Variants in LBP observed in about 807,000 individuals in gnomAD.
LBP encodes lipopolysaccharide binding protein.
In LBP, 53 loss-of-function variants were observed where a neutral mutation model predicts 56.6. The observed-to-expected ratio is 0.94, with a 90% CI of 0.75 to 1.18. The LOEUF (loss-of-function observed/expected upper bound fraction) is 1.18. LBP is among the 50% of genes most tolerant of loss of function. The probability of loss-of-function intolerance (pLI) is 0.00; values close to 1 mark genes in which losing one functional copy is unlikely to be tolerated. For missense variants in LBP, 601 were observed against 598.3 expected, an observed-to-expected ratio of 1.00 and a Z score of -0.05; for synonymous variants, 227 against 247.5, an observed-to-expected ratio of 0.92 and a Z score of 0.78.
At chr20:38,347,185 T>C (rs1342117628) in intron 1 of LBP, among the ~76,000 whole-genome samples, 1 of 152,184 alleles carries the variant, frequency 6.6e-6, no homozygotes, top group Non-Finnish European at 1.5e-5. Flanking sequence ...ACATTAAAAA[T>C]TATTTAGCAA....
intron 12 of LBP, among the ~76,000 whole-genome samples, chr20:38,372,491 A>G (rs2076903982): frequency 6.6e-6 from 1 of 152,226 alleles, no homozygotes; most frequent in African/African-American, 2.4e-5. Flanking sequence ...TTTTCAGAGC[A>G]TGAAATGTAA....
chr20:38,373,042 T>C (rs2076905844), intron 12 of LBP, 30 bp from the exon 13 acceptor site: 2 of 1,604,666 alleles, frequency 1.2e-6, no homozygotes, highest in East Asian at 4.5e-5. Context: ...CCTGTGGCGA[T>C]GTAAATATAT....
chr20:38,369,239 C>A, intron 10 of LBP, 77 bp downstream of exon 10: 1 of 1,370,010 alleles, frequency 7.3e-7, no homozygotes. Context: ...GCTTTTCTCC[C>A]CACTCACCAC....
chr20:38,347,310 G>T (rs538895539), intron 1 of LBP, among the ~76,000 whole-genome samples: 15 of 152,294 alleles, frequency 9.8e-5, no homozygotes, highest in African/African-American at 3.1e-4. Flanking sequence ...TTGGGAGGCC[G>T]AGGTGGGTGG....
chr20:38,355,544 A>G (rs912340150), intron 5 of LBP, 135 bp downstream of exon 5: 6 of 768,242 alleles, frequency 7.8e-6, no homozygotes, highest in African/African-American at 3.5e-5. Flanking sequence ...GGGAGGACAA[A>G]TCATTTGCCC....
At chr20:38,359,895 G>C (rs2076853734) in intron 5 of LBP, among the ~76,000 whole-genome samples, 1 of 152,188 alleles carries the variant, frequency 6.6e-6, no homozygotes, top group Admixed American at 6.5e-5. Flanking sequence ...CAGTCTTCCA[G>C]GAGTACCAGC....
intron 5 of LBP, 75 bp downstream of exon 5, chr20:38,355,484 C>G: frequency 7.7e-7 from 1 of 1,300,910 alleles, no homozygotes. Flanking sequence ...ACCAATGGCC[C>G]TGGACCAGGC....
chr20:38,373,124 C>T lies in LBP; in HGVS notation c.1313C>T (p.Pro438Leu). ...TATTACATCCTTAACACCTTCTACC[C>T]CAAGTTCAATGGTAAGAATCACTGT... is the stretch of plus-strand genomic sequence containing the variant. ...LNYYILNTFY[P>L]KFNDKLAEGF... Residue 438 changes from proline to leucine, a missense_variant, in exon 13 of 15, where the codon CCC (proline) becomes CTC (leucine). Transcript: ENST00000217407. The T allele has an allele frequency of 6.2e-7, 1 of 1,613,398 alleles. No homozygotes were observed. The highest frequency in any genetic ancestry group is 8.5e-7 in the Non-Finnish European group (1 of 1,179,338).
At chr20:38,347,346 C>T (rs528518845) in intron 1 of LBP, among the ~76,000 whole-genome samples, 2 of 152,020 alleles carry the variant, frequency 1.3e-5, no homozygotes, top group Non-Finnish European at 2.9e-5. Flanking sequence ...GAGTTCGAGG[C>T]AAGCCTGGCC....
At chr20:38,348,850 G>C (rs776166383) in intron 1 of LBP, among the ~76,000 whole-genome samples, 2 of 151,704 alleles carry the variant, frequency 1.3e-5, no homozygotes, top group Non-Finnish European at 2.9e-5. Flanking sequence ...CTAGAGTGCG[G>C]TAGTGCGATC....
intron 6 of LBP, 56 bp from the exon 7 acceptor site, chr20:38,363,919 C>T (rs2076870788): frequency 1.0e-5 from 13 of 1,292,878 alleles, no homozygotes; most frequent in African/African-American, 1.5e-5. Context: ...CTTGCCCCTC[C>T]TCCAGCAGCT....
intron 6 of LBP, among the ~76,000 whole-genome samples, chr20:38,363,126 G>A (rs951317751): frequency 1.3e-5 from 2 of 152,166 alleles, no homozygotes; most frequent in Non-Finnish European, 1.5e-5. Flanking sequence ...GCCATTATCC[G>A]TAGTGCTGCT....
chr20:38,364,803 C>A, intron 8 of LBP, 51 bp downstream of exon 8: 2 of 1,508,786 alleles, frequency 1.3e-6, no homozygotes, highest in South Asian at 2.6e-5. Context: ...ACCTACCGCT[C>A]CTTCCTTCTT....
At chr20:38,360,823 C>CAT (rs1600726178) in intron 6 of LBP, 56 bp downstream of exon 6, 17 of 1,299,192 alleles carry the variant, frequency 1.3e-5, no homozygotes, top group African/African-American at 1.5e-5. Flanking sequence ...TCTATAAGAG[C>CAT]ATATATATAT....
At chr20:38,349,729 T>C in intron 2 of LBP, 67 bp downstream of exon 2, 1 of 1,168,022 alleles carries the variant, frequency 8.6e-7, no homozygotes, top group South Asian at 1.4e-5. Flanking sequence ...AATTGGAGAG[T>C]GAGGAAGAGA....
chr20:38,371,177 C>A, intron 11 of LBP, 103 bp from the exon 12 acceptor site: 2 of 850,240 alleles, frequency 2.4e-6, no homozygotes, highest in African/African-American at 1.7e-5. Context: ...CTACCTTTGG[C>A]CCTGTGCCTT....
At chr20:38,362,910 T>G (rs2076866440) in intron 6 of LBP, among the ~76,000 whole-genome samples, 1 of 152,266 alleles carries the variant, frequency 6.6e-6, no homozygotes, top group South Asian at 2.1e-4. Context: ...ATTGTGCCAC[T>G]GCACTCCAGC....
intron 3 of LBP, among the ~76,000 whole-genome samples, chr20:38,352,490 C>T (rs992195903): frequency 2.0e-5 from 3 of 152,222 alleles, no homozygotes; most frequent in Non-Finnish European, 2.9e-5. Flanking sequence ...CACGGTGGCT[C>T]ATGCCTGTAA....
chr20:38,364,097 G>C (rs376303004), intron 7 of LBP, 31 bp downstream of exon 7: 1 of 1,481,686 alleles, frequency 6.7e-7, no homozygotes, highest in African/African-American at 1.4e-5. Flanking sequence ...CTGCGTGGGT[G>C]AGGCTTTCCC....
Sources: allele counts gnomAD v4.1 joint callset (sites outside exome capture counted in the v4.1 genomes callset), GRCh38; gene constraint gnomAD v4.1.1; transcripts MANE v1.5; gene names NCBI Gene and HGNC (gene_info 2026-07-23, HGNC 2026-07-21).